Variants in TRABD2B observed in about 807,000 individuals in gnomAD.
The protein encoded by TRABD2B is TraB domain containing 2B.
A neutral mutation model predicts 40.1 loss-of-function variants in TRABD2B; 14 were observed. That is an observed-to-expected ratio of 0.35 (90% CI 0.23 to 0.55). The LOEUF (loss-of-function observed/expected upper bound fraction) is 0.55. Ranked by LOEUF, TRABD2B falls within the 20% of genes least tolerant of loss-of-function variation. The pLI is 0.90. For synonymous variants in TRABD2B, 263 were observed against 277.0 expected (o/e 0.95, Z 0.50); for missense variants, 541 against 648.6 (o/e 0.83, Z 1.80).
intron 3 of TRABD2B, among the ~76,000 whole-genome samples, chr1:47,801,258 A>T (rs903043399): frequency 1.3e-5 from 2 of 152,176 alleles, no homozygotes; most frequent in African/African-American, 2.4e-5. Flanking sequence ...ATCTGGCTCA[A>T]GTTGCTGCTC....
intron 2 of TRABD2B, among the ~76,000 whole-genome samples, chr1:47,821,765 A>C (rs1645113757): frequency 6.6e-6 from 1 of 152,138 alleles, no homozygotes. Context: ...CACCAGTGTC[A>C]GCCAGTCCTT....
chr1:47,966,656 G>A (rs1645607553), intron 2 of TRABD2B, among the ~76,000 whole-genome samples: 1 of 152,156 alleles, frequency 6.6e-6, no homozygotes, highest in African/African-American at 2.4e-5. Flanking sequence ...TGTAATCTCA[G>A]CATTTTGGGA....
At chr1:47,967,295 C>T (rs1645617192) in intron 2 of TRABD2B, among the ~76,000 whole-genome samples, 1 of 151,746 alleles carries the variant, frequency 6.6e-6, no homozygotes, top group South Asian at 2.1e-4. Context: ...GAGTTATCCA[C>T]CCCTCACTAT....
intron 2 of TRABD2B, among the ~76,000 whole-genome samples, chr1:47,920,687 C>T (rs58455965): frequency 0.03 from 4,514 of 152,322 alleles, 224 homozygotes; most frequent in African/African-American, 0.1. Context: ...CAGTGCCTGT[C>T]CCCTATCCTG....
At chr1:47,766,624 C>T (rs1351748689) in intron 6 of TRABD2B, among the ~76,000 whole-genome samples, 1 of 152,192 alleles carries the variant, frequency 6.6e-6, no homozygotes, top group Non-Finnish European at 1.5e-5. Context: ...ATTTCTGATC[C>T]TCATAACAAG....
chr1:47,960,540 C>T (rs913706286), intron 2 of TRABD2B, among the ~76,000 whole-genome samples: 1 of 152,134 alleles, frequency 6.6e-6, no homozygotes, highest in South Asian at 2.1e-4. Context: ...AATCAATGTG[C>T]AAAAATCACA....
intron 2 of TRABD2B, among the ~76,000 whole-genome samples, chr1:47,959,143 A>G (rs1367939834): frequency 6.6e-6 from 1 of 152,218 alleles, no homozygotes; most frequent in African/African-American, 2.4e-5. Flanking sequence ...AGGCAGAAAT[A>G]AAGATGTTCT....
intron 2 of TRABD2B, among the ~76,000 whole-genome samples, chr1:47,901,490 C>T (rs1401846811): frequency 6.6e-6 from 1 of 152,156 alleles, no homozygotes; most frequent in Admixed American, 6.5e-5. Flanking sequence ...CCCTCCCAGT[C>T]CCTTTCCTGA....
intron 2 of TRABD2B, among the ~76,000 whole-genome samples, chr1:47,860,694 C>T (rs1643954047): frequency 6.6e-6 from 1 of 152,140 alleles, no homozygotes; most frequent in Non-Finnish European, 1.5e-5. Flanking sequence ...GGGAGGTGGG[C>T]CTAGTCAGAA....
intron 2 of TRABD2B, among the ~76,000 whole-genome samples, chr1:47,859,137 C>A (rs531714525): frequency 6.6e-6 from 1 of 152,308 alleles, no homozygotes; most frequent in South Asian, 2.1e-4. Context: ...CACAAAGCTG[C>A]CCCTCTTGAG....
intron 2 of TRABD2B, among the ~76,000 whole-genome samples, chr1:47,896,220 T>C (rs1644519083): frequency 6.6e-6 from 1 of 152,136 alleles, no homozygotes; most frequent in African/African-American, 2.4e-5. Flanking sequence ...CAAAGGGACA[T>C]TCACAGGATG....
At chr1:47,979,951 G>A (rs1328867027) in intron 2 of TRABD2B, among the ~76,000 whole-genome samples, 2 of 152,140 alleles carry the variant, frequency 1.3e-5, no homozygotes, top group Non-Finnish European at 2.9e-5. Flanking sequence ...TTCCAGTTTA[G>A]CCAACAAAGG....
intron 2 of TRABD2B, among the ~76,000 whole-genome samples, chr1:47,872,596 T>C (rs771964936): frequency 4.6e-5 from 7 of 151,942 alleles, no homozygotes; most frequent in Non-Finnish European, 1.0e-4. Flanking sequence ...CTGGTATAGA[T>C]GGTGAGAGAA....
chr1:47,792,877 C>T (rs539901369), intron 4 of TRABD2B, among the ~76,000 whole-genome samples: 2 of 152,220 alleles, frequency 1.3e-5, no homozygotes, highest in East Asian at 3.9e-4. Context: ...CTGGATGACT[C>T]AGGGTGGTTC....
At chr1:47,853,563 A>G (rs144109905) in intron 2 of TRABD2B, among the ~76,000 whole-genome samples, 41 of 152,328 alleles carry the variant, frequency 2.7e-4, no homozygotes, top group African/African-American at 9.4e-4. Flanking sequence ...GAAAGAGTCT[A>G]AAAGGATCTC....
At position 47,792,383 on chromosome 1, in the gene TRABD2B, G is replaced by C. The variant is rs554009426; in HGVS notation, c.988+2203C>G. On this transcript the variant is annotated intron_variant, in intron 4 of 6. Coordinates refer to ENST00000606738, the MANE Select transcript of TRABD2B (RefSeq NM_001194986.2). ...CTCTGAGGCGAGCATGGGAGACAAA[G>C]CCAGCACCACTCACTGACCACAATG... 1.1e-4 allele frequency among the ~76,000 whole-genome samples: 17 copies of C among 152,352 alleles called. 1 individual carries two copies. The East Asian group carries it at 3.1e-3, about 28-fold the overall frequency.
chr1:47,938,848 A>G (rs1162456157), intron 2 of TRABD2B, among the ~76,000 whole-genome samples: 1 of 152,182 alleles, frequency 6.6e-6, no homozygotes, highest in Admixed American at 6.5e-5. Flanking sequence ...GGGATTTGAG[A>G]TAGTTTCTTG....
At chr1:47,991,228 C>A (rs1299829580) in intron 2 of TRABD2B, among the ~76,000 whole-genome samples, 2 of 152,100 alleles carry the variant, frequency 1.3e-5, no homozygotes, top group African/African-American at 4.8e-5. Context: ...TGGATGCCCA[C>A]CTTAGAAAGC....
chr1:47,892,018 G>C (rs1644453353), intron 2 of TRABD2B, among the ~76,000 whole-genome samples: 1 of 152,222 alleles, frequency 6.6e-6, no homozygotes, highest in Non-Finnish European at 1.5e-5. Context: ...AGCCAGTGGA[G>C]GGTTTTCAGA....
Sources: allele counts gnomAD v4.1 joint callset (sites outside exome capture counted in the v4.1 genomes callset), GRCh38; gene constraint gnomAD v4.1.1; transcripts MANE v1.5; gene names NCBI Gene and HGNC (gene_info 2026-07-23, HGNC 2026-07-21).